Variants in SPINK1 observed in about 807,000 individuals in gnomAD.
SPINK1 encodes serine peptidase inhibitor Kazal type 1.
Under a neutral mutation model 9.5 loss-of-function variants are expected in SPINK1, and 5 were observed. That is an observed-to-expected ratio of 0.52 (90% CI 0.27 to 1.10). The LOEUF (loss-of-function observed/expected upper bound fraction) is 1.10. Ranked by LOEUF, SPINK1 falls within the 50% of genes least tolerant of loss-of-function variation. SPINK1 has a pLI of 0.11. For synonymous variants in SPINK1, 37 were observed against 32.3 expected, an observed-to-expected ratio of 1.14 and a Z score of -0.49; for missense variants, 88 against 92.7, an observed-to-expected ratio of 0.95 and a Z score of 0.21.
upstream of SPINK1, among the ~76,000 whole-genome samples, chr5:147,832,064 C>T (rs2127139195): frequency 6.6e-6 from 1 of 152,268 alleles, no homozygotes; most frequent in Non-Finnish European, 1.5e-5. Flanking sequence ...TCTTATTCTT[C>T]TTTCTCTTTT....
chr5:147,825,043 C>T (rs953984264), intron 3 of SPINK1, among the ~76,000 whole-genome samples: 5 of 152,172 alleles, frequency 3.3e-5, no homozygotes, highest in Admixed American at 6.6e-5. Context: ...CTGCCTTCGC[C>T]ACCAGGTTTC....
upstream of SPINK1, among the ~76,000 whole-genome samples, chr5:147,832,384 G>A (rs62378571): frequency 0.16 from 24,498 of 152,150 alleles, 2,439 homozygotes; most frequent in Non-Finnish European, 0.22. Context: ...ATGTTTTGGT[G>A]TGTCTTATGA....
chr5:147,836,944 C>G, the SPINK1 span, among the ~76,000 whole-genome samples: 5 of 152,124 alleles, frequency 3.3e-5, no homozygotes, highest in Non-Finnish European at 7.4e-5. Context: ...AAAATAAATT[C>G]TGGTGCCAGC....
upstream of SPINK1, among the ~76,000 whole-genome samples, chr5:147,835,216 A>G (rs1202505800): frequency 6.6e-6 from 1 of 152,138 alleles, no homozygotes; most frequent in Non-Finnish European, 1.5e-5. Context: ...CTCAACTACA[A>G]AAATACACAT....
At chr5:147,833,953 A>G (rs13157578), upstream of SPINK1, among the ~76,000 whole-genome samples, 20 of 152,290 alleles carry the variant, frequency 1.3e-4, no homozygotes, top group African/African-American at 4.8e-4. Context: ...ACAAAATAAT[A>G]CAAAACAGCT....
chr5:147,824,831 C>CT, intron 3 of SPINK1, 125 bp from the exon 4 acceptor site: 1 of 832,194 alleles, frequency 1.2e-6, no homozygotes, highest in African/African-American at 1.7e-5. Context: ...GATTTATAAT[C>CT]TTTTCTCTGT....
chr5:147,838,034 G>A, the SPINK1 span, among the ~76,000 whole-genome samples: 3 of 152,160 alleles, frequency 2.0e-5, no homozygotes, highest in African/African-American at 4.8e-5. Context: ...CAAGCCATCC[G>A]TGTTGGAGGC....
rs1209537577 is a variant in SPINK1, at chr5:147,828,067, T to A, written c.149A>T (p.Asp50Val). The change falls in exon 3 of 4, where the codon GAT (aspartate) becomes GTT (valine). Residue 50 changes from aspartate to valine, a missense_variant. Physicochemically the swap from Asp to Val is radical, Grantham distance 152 (BLOSUM62 -3). Transcript: ENST00000296695. The stretch of plus-strand genomic sequence containing the variant: ...GCATTCATTGGGATAAGTATTTCCA[T>A]CAGTCCCACAGACAGGGTCATATAT... ...TKIYDPVCGT[D>V]GNTYPNECVL... 1 of 1,613,526 alleles carries A rather than the reference T, an allele frequency of 6.2e-7. No individual in the cohort carries two copies. Among genetic ancestry groups the A allele is most frequent in the African/African-American group, 1.3e-5 (1 of 74,922 alleles).
At chr5:147,827,927 T>A in intron 3 of SPINK1, 95 bp downstream of exon 3, 2 of 891,740 alleles carry the variant, frequency 2.2e-6, no homozygotes, top group Admixed American at 2.3e-5. Flanking sequence ...AAGTAAATAG[T>A]TTGCTTTTCT....
chr5:147,837,698 T>TTTCTTTCTTTCTTTCTTTCC, the SPINK1 span, among the ~76,000 whole-genome samples: 4 of 149,848 alleles, frequency 2.7e-5, no homozygotes, highest in African/African-American at 9.9e-5. Flanking sequence ...TCTTTCTTTC[T>TTTCTTTCTTTCTTTCTTTCC]TTCTTTCTTT....
chr5:147,834,901 TATATG>T (rs1756571099), upstream of SPINK1, among the ~76,000 whole-genome samples: 1 of 152,158 alleles, frequency 6.6e-6, no homozygotes, highest in Non-Finnish European at 1.5e-5. Context: ...ACAGTCTTAT[TATATG>T]TGAGGACTCT....
intron 3 of SPINK1, 98 bp downstream of exon 3, chr5:147,827,924 T>C (rs1337988195): frequency 4.7e-6 from 4 of 852,206 alleles, no homozygotes; most frequent in Non-Finnish European, 7.4e-6. Flanking sequence ...AAAAAGTAAA[T>C]AGTTTGCTTT....
rs1580939440 is a variant in SPINK1, at chr5:147,824,736, G to C, written c.195-30C>G. The C allele has an allele frequency of 3.7e-6, 6 of 1,608,104 alleles. No individual in the cohort carries two copies. The Admixed American group carries it at 1.0e-4, about 27-fold the overall frequency. ...AGTAGAGATTAAAAAAAATATATCA[G>C]CTTAAACTTCACTGATGAAAAAGTG... is the stretch of plus-strand genomic sequence containing the variant. On this transcript the variant is annotated intron_variant, in intron 3 of 3. Coordinates refer to ENST00000296695, the MANE Select transcript of SPINK1 (RefSeq NM_001379610.1).
upstream of SPINK1, among the ~76,000 whole-genome samples, chr5:147,834,952 C>T (rs1410167496): frequency 6.6e-6 from 1 of 151,990 alleles, no homozygotes; most frequent in Non-Finnish European, 1.5e-5. Context: ...TCCCAGTTTG[C>T]CAATCCTAAT....
At chr5:147,829,511 C>G (rs1266414431) in intron 2 of SPINK1, 88 bp downstream of exon 2, 1 of 1,312,214 alleles carries the variant, frequency 7.6e-7, no homozygotes, top group Non-Finnish European at 1.1e-6. Context: ...TAACTTCAGG[C>G]TAAACTGAAA....
At chr5:147,830,669 C>G (rs1756492488) in intron 1 of SPINK1, among the ~76,000 whole-genome samples, 1 of 152,154 alleles carries the variant, frequency 6.6e-6, no homozygotes, top group African/African-American at 2.4e-5. Flanking sequence ...GGAACACTGA[C>G]TGTTGCCATA....
chr5:147,827,955 T>C, intron 3 of SPINK1, 67 bp downstream of exon 3: 1 of 1,230,684 alleles, frequency 8.1e-7, no homozygotes, highest in Non-Finnish European at 1.2e-6. Context: ...AGATTCATAT[T>C]ATCAGTACAC....
At chr5:147,825,239 T>G (rs560056116) in intron 3 of SPINK1, among the ~76,000 whole-genome samples, 1 of 152,210 alleles carries the variant, frequency 6.6e-6, no homozygotes, top group Non-Finnish European at 1.5e-5. Context: ...CACACTACCA[T>G]TACCAAACTA....
the SPINK1 span, among the ~76,000 whole-genome samples, chr5:147,838,298 T>C: frequency 6.6e-6 from 1 of 152,192 alleles, no homozygotes; most frequent in African/African-American, 2.4e-5. Context: ...CTAAAGGTAG[T>C]AGTGTATATC....
Sources: gnomAD v4.1 joint callset for allele counts (sites outside exome capture counted in the v4.1 genomes callset) on GRCh38, gnomAD v4.1.1 for gene constraint, MANE v1.5 for transcripts, NCBI Gene and HGNC (gene_info 2026-07-23, HGNC 2026-07-21) for gene names.